DNTTIP2: variants seen among roughly 807,000 people sequenced by gnomAD.
The protein encoded by DNTTIP2 is deoxynucleotidyltransferase terminal-interacting protein 2.
DNTTIP2 carries 47 observed loss-of-function variants against 62.4 expected under a neutral mutation model. The observed-to-expected ratio is 0.75, with a 90% CI of 0.60 to 0.96. DNTTIP2 has a LOEUF of 0.96. Among genes scored for constraint, DNTTIP2 ranks in the 40% least tolerant of loss-of-function variants. DNTTIP2 has a pLI of 0.00. For missense variants in DNTTIP2, 870 were observed against 849.1 expected (o/e 1.02, Z -0.31); for synonymous variants, 322 against 300.9 (o/e 1.07, Z -0.73).
chr1:93,872,274 T>G, intron 4 of DNTTIP2, 38 bp from the exon 5 acceptor site: 1 of 1,599,044 alleles, frequency 6.3e-7, no homozygotes, highest in South Asian at 1.1e-5. Flanking sequence ...TTCTAACAGC[T>G]AAGAGTATAC....
intron 1 of DNTTIP2, 125 bp from the exon 2 acceptor site, chr1:93,877,987 A>C: frequency 1.5e-6 from 2 of 1,346,572 alleles, no homozygotes; most frequent in East Asian, 2.5e-5. Context: ...AAAACAAAAA[A>C]ACCTGCCCAA....
Position 93,877,700 on chromosome 1 carries a change from T to TC in DNTTIP2, c.234dup (p.Thr79AspfsTer2). 1 of 1,613,978 alleles carries TC rather than the reference T, an allele frequency of 6.2e-7. No homozygotes were observed. Among genetic ancestry groups the TC allele is most frequent in the Non-Finnish European group, 8.5e-7 (1 of 1,179,886 alleles). Reference sequence around the variant, plus strand: ...GTTTCTCCATCCGTAGATGGTTCAGTCCCCTTTGGTAGTGAGCCTGTAGTT... The same window carrying TC: ...GTTTCTCCATCCGTAGATGGTTCAGTCCCCCTTTGGTAGTGAGCCTGTAGTT... On this transcript the variant is annotated frameshift_variant, in exon 2 of 7. Coordinates refer to ENST00000436063, the MANE Select transcript of DNTTIP2 (RefSeq NM_014597.5). LOFTEE classifies it high-confidence loss of function.
rs1315294284 is a variant in DNTTIP2, at chr1:93,866,373, C to T, written c.*3478G>A. 6.6e-6 allele frequency: 1 copy of T among 152,120 alleles called. No homozygotes were observed. Among genetic ancestry groups the T allele is most frequent in the Non-Finnish European group, 1.5e-5 (1 of 68,008 alleles). The allele number at this position is 152,120 out of a possible 1,614,324, so 9.4% of individuals were successfully genotyped here. Reference sequence around the variant, plus strand: ...TGTTGCAACCCTTACTGAAAACTTTCAATAAAGATATTCATCTAATTAAAT... The same window carrying T: ...TGTTGCAACCCTTACTGAAAACTTTTAATAAAGATATTCATCTAATTAAAT... On this transcript the variant is annotated 3_prime_UTR_variant, in exon 7 of 7. Transcript: ENST00000436063.
Position 93,868,702 on chromosome 1 carries a change from A to G in DNTTIP2, c.*1149T>C, listed in dbSNP as rs1655777691. ...ATGAGTTCATGTCCTTTGCAGGGAC[A>G]TGGCTGAAGCTGGAAATCATCTCAG... On this transcript the variant is annotated 3_prime_UTR_variant, in exon 7 of 7. Coordinates refer to ENST00000436063, the MANE Select transcript of DNTTIP2 (RefSeq NM_014597.5). 1.3e-5 allele frequency: 2 copies of G among 152,252 alleles called. No individual in the cohort carries two copies. The highest frequency in any genetic ancestry group is 2.1e-4 in the South Asian group (1 of 4,830). The allele number at this position is 152,252 out of a possible 1,614,324, so 9.4% of individuals were successfully genotyped here.
At position 93,872,465 on chromosome 1, in the gene DNTTIP2, T is replaced by TA. The variant is rs542699055; in HGVS notation, c.1903-230dup. 1.1e-4 allele frequency among the ~76,000 whole-genome samples: 16 copies of TA among 152,316 alleles called. No individual in the cohort carries two copies. In the East Asian group the frequency reaches 3.1e-3, roughly 29 times the overall value. ...ATCAGTTTCATAAATGAGGGCTCCGTAAAATCTATTTTCTGTCTCAGAGAG... is the reference window on the plus strand; with the variant it reads ...ATCAGTTTCATAAATGAGGGCTCCGTAAAAATCTATTTTCTGTCTCAGAGAG... On this transcript the variant is annotated intron_variant, in intron 4 of 6. Coordinates refer to ENST00000436063, the MANE Select transcript of DNTTIP2 (RefSeq NM_014597.5).
At chr1:93,873,436 AAAAAAAAG>A in intron 3 of DNTTIP2, 1 of 375,166 alleles carries the variant, frequency 2.7e-6, no homozygotes, top group East Asian at 6.1e-5. Flanking sequence ...TAAAAAAAAA[AAAAAAAAG>A]AAAAGAAATT....
Position 93,877,238 on chromosome 1 carries a change from G to A in DNTTIP2, c.697C>T (p.Pro233Ser), listed in dbSNP as rs182032946. ...GTATCTGAATCCTCTGAATTCACAG[G>A]TGTACCCACGATCTGTTTCTCATTT... ...PGNEKQIVGT[P>S]VNSEDSDTRQ... is the part of the protein sequence containing the mutation. The change falls in exon 2 of 7, where the codon CCT becomes TCT. Residue 233 changes from proline to serine, a missense_variant. Transcript: ENST00000436063. 2 of 1,613,860 alleles carry A rather than the reference G, an allele frequency of 1.2e-6. No individual in the cohort carries two copies. The highest frequency in any genetic ancestry group is 1.7e-5 in the Admixed American group (1 of 60,022).
In DNTTIP2 at chr1:93,866,657, T is replaced by G. The variant is rs1655730922; in HGVS notation, c.*3194A>C. The G allele has an allele frequency of 6.6e-6, 1 of 152,198 alleles. No individual in the cohort carries two copies. The highest frequency in any genetic ancestry group is 1.5e-5 in the Non-Finnish European group (1 of 68,038). 9.4% of individuals were successfully genotyped at this position (152,198 alleles called of 1,614,324 possible). A position where few individuals can be genotyped will look rare whatever the true frequency, so the allele number is the denominator to read the frequency against. Reference sequence around the variant, plus strand: ...ATAGCCTCCCCACTCCCCACTCCTTTTGTGACATCTAGTTATGGGACCCAA... The same window carrying G: ...ATAGCCTCCCCACTCCCCACTCCTTGTGTGACATCTAGTTATGGGACCCAA... On this transcript the variant is annotated 3_prime_UTR_variant, in exon 7 of 7. Transcript: ENST00000436063.
In DNTTIP2 at chr1:93,866,590, T is replaced by C. The variant is rs1308741149; in HGVS notation, c.*3261A>G. On this transcript the variant is annotated 3_prime_UTR_variant, in exon 7 of 7. Coordinates refer to ENST00000436063, the MANE Select transcript of DNTTIP2 (RefSeq NM_014597.5). ...TGCTGTTTCTAAGAATGGGATCCTA[T>C]TAATGTATACCAGTTACTAAGGTTT... 2 of 152,200 alleles carry C rather than the reference T, an allele frequency of 1.3e-5. No individual in the cohort carries two copies. Among genetic ancestry groups the C allele is most frequent in the Non-Finnish European group, 1.5e-5 (1 of 68,038 alleles). 9.4% of individuals were successfully genotyped at this position (152,200 alleles called of 1,614,324 possible). A position where few individuals can be genotyped will look rare whatever the true frequency, so the allele number is the denominator to read the frequency against.
chr1:93,875,770 T>C lies in DNTTIP2; in HGVS notation c.1681A>G (p.Ser561Gly), dbSNP rs1306376661. 6.2e-7 allele frequency: 1 copy of C among 1,609,798 alleles called. No individual in the cohort carries two copies. The highest frequency in any genetic ancestry group is 8.5e-7 in the Non-Finnish European group (1 of 1,178,946). ...CTCAGACCAGGGTCTATGCTGCTGCTTGTCAACTTCAGACTGAAAAAGAAA... is the reference window on the plus strand; with the variant it reads ...CTCAGACCAGGGTCTATGCTGCTGCCTGTCAACTTCAGACTGAAAAAGAAA... ...STKAKLLKLT[S>G]SSIDPGLSIK... The change falls in exon 3 of 7, where the codon AGC becomes GGC. Residue 561 changes from serine to glycine, a missense_variant. Physicochemically the swap from Ser to Gly is moderately conservative, Grantham distance 56. Transcript: ENST00000436063.
At chr1:93,878,139 A>G (rs2100890556) in intron 1 of DNTTIP2, among the ~76,000 whole-genome samples, 1 of 151,656 alleles carries the variant, frequency 6.6e-6, no homozygotes. Flanking sequence ...CCCCATCTCT[A>G]CTCAAAGTAA....
In DNTTIP2 at chr1:93,876,632, G is replaced by A; in HGVS notation, c.1303C>T (p.Gln435Ter). Residue 435 changes from glutamine (Q) to a stop codon, truncating the protein, a stop_gained, in exon 2 of 7, where the codon CAG (glutamine) becomes TAG (stop). Transcript: ENST00000436063. LOFTEE classifies it high-confidence loss of function. ...AGTAAGACAGAATTATCTTTACCCTGAGATGTGTTGGGCGCAGACGTGTAT... is the reference window on the plus strand; with the variant it reads ...AGTAAGACAGAATTATCTTTACCCTAAGATGTGTTGGGCGCAGACGTGTAT... ...KLYTSAPNTS[Q>*]GKDNSVLLVL... is the part of the protein sequence containing the mutation. 2 of 1,614,014 alleles carry A rather than the reference G, an allele frequency of 1.2e-6. No individual in the cohort carries two copies. Among genetic ancestry groups the A allele is most frequent in the African/African-American group, 1.3e-5 (1 of 75,044 alleles).
chr1:93,873,036 G>A (rs1047448358), intron 4 of DNTTIP2, 83 bp downstream of exon 4: 2 of 944,670 alleles, frequency 2.1e-6, no homozygotes, highest in Non-Finnish European at 3.3e-6. Context: ...AACAGATACA[G>A]TTTAATTGTG....
chr1:93,873,189 G>T lies in DNTTIP2; in HGVS notation c.1832C>A (p.Pro611His). 1 of 1,611,674 alleles carries T rather than the reference G, an allele frequency of 6.2e-7. No individual in the cohort carries two copies. The highest frequency in any genetic ancestry group is 8.5e-7 in the Non-Finnish European group (1 of 1,178,832). The change falls in exon 4 of 7, where the codon CCT becomes CAT. Residue 611 changes from proline (P) to histidine (H), a missense_variant. Coordinates refer to ENST00000436063, the MANE Select transcript of DNTTIP2 (RefSeq NM_014597.5). ...AACACAGTGGTTTTTTTCAAAATCA[G>T]GTGTAATGACGGCTTTCTGCAGAAG... ...NELLQKAVITPDFEKNHCVPP... is the reference protein window; with the variant it reads ...NELLQKAVITHDFEKNHCVPP...
chr1:93,876,490 A>C lies in DNTTIP2; in HGVS notation c.1445T>G (p.Leu482Arg). Residue 482 changes from leucine (L) to arginine (R), a missense_variant, in exon 2 of 7, where the codon CTG becomes CGG. Physicochemically the swap from Leu to Arg is moderately radical, Grantham distance 102. Coordinates refer to ENST00000436063, the MANE Select transcript of DNTTIP2 (RefSeq NM_014597.5). ...TACAAACAATGCATTGTCACATGAC[A>C]GACTTCCTGTGTCTCCACTTAATGA... ...RESLSGDTGS[L>R]SCDNALFVID... 3 of 1,613,988 alleles carry C rather than the reference A, an allele frequency of 1.9e-6. No individual in the cohort carries two copies. Among genetic ancestry groups the C allele is most frequent in the Non-Finnish European group, 2.5e-6 (3 of 1,179,882 alleles).
At position 93,869,639 on chromosome 1, in the gene DNTTIP2, TAA is replaced by T. The variant is rs1655805855; in HGVS notation, c.*210_*211del. On this transcript the variant is annotated 3_prime_UTR_variant, in exon 7 of 7. Transcript: ENST00000436063. Reference sequence around the variant, plus strand: ...TGAGATTTTTTTTCCTTTTTTCCCATAAAGAGTCTACACCAGGGTGGGTCTTT... The same window carrying T: ...TGAGATTTTTTTTCCTTTTTTCCCATAGAGTCTACACCAGGGTGGGTCTTT... 2.4e-6 allele frequency: 1 copy of T among 414,764 alleles called. No homozygotes were observed. Among genetic ancestry groups the T allele is most frequent in the Non-Finnish European group, 4.4e-6 (1 of 225,200 alleles). 25.7% of individuals were successfully genotyped at this position (414,764 alleles called of 1,614,324 possible).
intron 3 of DNTTIP2, 98 bp from the exon 4 acceptor site, chr1:93,873,312 C>T (rs1017396846): frequency 5.5e-6 from 5 of 912,030 alleles, no homozygotes; most frequent in South Asian, 1.5e-5. Context: ...TTTAGTCAGC[C>T]TGGCAAAGTG....
At chr1:93,875,216 G>A (rs947886207) in intron 3 of DNTTIP2, among the ~76,000 whole-genome samples, 1 of 152,120 alleles carries the variant, frequency 6.6e-6, no homozygotes, top group Non-Finnish European at 1.5e-5. Context: ...TAAGGGTTTG[G>A]GTAAAGTTAC....
intron 2 of DNTTIP2, 62 bp downstream of exon 2, chr1:93,876,206 T>C (rs946871111): frequency 3.2e-6 from 4 of 1,261,622 alleles, no homozygotes; most frequent in Middle Eastern, 2.0e-4. Flanking sequence ...CATATTTTTA[T>C]GGTAAATTAA....
Sources: gnomAD v4.1 joint callset for allele counts (sites outside exome capture counted in the v4.1 genomes callset) on GRCh38, gnomAD v4.1.1 for gene constraint, MANE v1.5 for transcripts, NCBI Gene and HGNC (gene_info 2026-07-23, HGNC 2026-07-21) for gene names.